Variants in FCHSD2 observed in about 807,000 individuals in gnomAD.
FCHSD2 encodes the protein F-BAR and double SH3 domains protein 2.
A neutral mutation model predicts 108.1 loss-of-function variants in FCHSD2; 38 were observed. That is an observed-to-expected ratio of 0.35 (90% CI 0.27 to 0.46). The LOEUF is 0.46. Ranked by LOEUF, FCHSD2 falls within the 20% of genes least tolerant of loss-of-function variation. The pLI is 1.00. For synonymous variants in FCHSD2, 279 were observed against 314.7 expected, an observed-to-expected ratio of 0.89 and a Z score of 1.20; for missense variants, 751 against 897.8, an observed-to-expected ratio of 0.84 and a Z score of 2.09.
At chr11:73,101,458 G>T (rs1387211420) in intron 2 of FCHSD2, among the ~76,000 whole-genome samples, 1 of 152,050 alleles carries the variant, frequency 6.6e-6, no homozygotes, top group East Asian at 1.9e-4. Context: ...TGCTGTTTTA[G>T]AGACAGGGTC....
chr11:72,850,056 A>AG (rs1861241296), intron 13 of FCHSD2, among the ~76,000 whole-genome samples, 167 bp from the exon 14 acceptor site: 1 of 107,624 alleles, frequency 9.3e-6, no homozygotes, highest in African/African-American at 3.5e-5. Flanking sequence ...GAAAGAATAG[A>AG]GTTTTTTTTT....
intron 8 of FCHSD2, among the ~76,000 whole-genome samples, chr11:72,933,037 C>A (rs1028990408): frequency 6.6e-4 from 101 of 152,124 alleles, no homozygotes; most frequent in African/African-American, 2.3e-3. Context: ...GTAGTGGCAT[C>A]CTTTTATGTG....
intron 8 of FCHSD2, among the ~76,000 whole-genome samples, chr11:72,935,208 G>A (rs978932347): frequency 6.6e-6 from 1 of 152,122 alleles, no homozygotes; most frequent in African/African-American, 2.4e-5. Flanking sequence ...CCTAGAACTT[G>A]TTTGAAGAAG....
chr11:72,879,000 C>G (rs1024807178), intron 12 of FCHSD2, among the ~76,000 whole-genome samples: 1 of 152,086 alleles, frequency 6.6e-6, no homozygotes, highest in African/African-American at 2.4e-5. Flanking sequence ...ATCCCAGCTA[C>G]TTGGGAAGCT....
intron 13 of FCHSD2, among the ~76,000 whole-genome samples, chr11:72,857,827 T>C (rs149626850): frequency 3.4e-4 from 51 of 152,150 alleles, no homozygotes; most frequent in African/African-American, 1.2e-3. Flanking sequence ...CTTGTACTCA[T>C]TAAAAACACC....
At chr11:72,841,129 C>T (rs967224100) in intron 18 of FCHSD2, among the ~76,000 whole-genome samples, 170 bp from the exon 19 acceptor site, 1 of 152,098 alleles carries the variant, frequency 6.6e-6, no homozygotes, top group Non-Finnish European at 1.5e-5. Context: ...GATCCCACCA[C>T]TGCACTCCAG....
Position 72,843,449 on chromosome 11 carries a change from C to G in FCHSD2, c.1527G>C (p.Lys509Asn), listed in dbSNP as rs1861028810. ...GGGCGATATGAGCAAAGGAATATAC[C>G]TTTACCCAGTCTTCCATATCTCCAT... Reference protein sequence around the residue: ...IEDGDMEDWVKARNKVGQVGY... With the variant: ...IEDGDMEDWVNARNKVGQVGY... Residue 509 changes from lysine (K) to asparagine (N), a missense_variant and splice_region_variant, in exon 15 of 20, where the codon AAG becomes AAC. Coordinates refer to ENST00000409418, the MANE Select transcript of FCHSD2 (RefSeq NM_014824.3). 1 of 1,611,772 alleles carries G rather than the reference C, an allele frequency of 6.2e-7. No homozygotes were observed. The highest frequency in any genetic ancestry group is 8.5e-7 in the Non-Finnish European group (1 of 1,177,998).
chr11:72,926,346 A>C (rs1856075492), intron 8 of FCHSD2, among the ~76,000 whole-genome samples: 1 of 152,098 alleles, frequency 6.6e-6, no homozygotes. Context: ...AGAGCAGAGG[A>C]TGGCCAGAGG....
At chr11:72,910,381 A>G (rs1033522085) in intron 9 of FCHSD2, among the ~76,000 whole-genome samples, 4 of 152,208 alleles carry the variant, frequency 2.6e-5, no homozygotes, top group African/African-American at 9.6e-5. Context: ...GTTTTGTCGA[A>G]AAGAAAAGGG....
intron 3 of FCHSD2, among the ~76,000 whole-genome samples, chr11:73,024,769 A>C (rs982376259): frequency 1.1e-4 from 17 of 152,206 alleles, no homozygotes; most frequent in Non-Finnish European, 2.1e-4. Flanking sequence ...TCCAGCATCT[A>C]TAAGGAAATT....
intron 3 of FCHSD2, among the ~76,000 whole-genome samples, chr11:73,047,626 A>T (rs1285005108): frequency 6.6e-6 from 1 of 152,200 alleles, no homozygotes; most frequent in African/African-American, 2.4e-5. Flanking sequence ...CTGTTCCATG[A>T]TTTCTAACGG....
chr11:73,085,287 T>C (rs779727676), intron 2 of FCHSD2, among the ~76,000 whole-genome samples: 16 of 152,252 alleles, frequency 1.1e-4, no homozygotes, highest in Non-Finnish European at 1.9e-4. Context: ...TGAGAGAGGA[T>C]TCTGGGAGAT....
intron 8 of FCHSD2, among the ~76,000 whole-genome samples, chr11:72,935,515 C>T (rs901077875): frequency 6.6e-6 from 1 of 152,152 alleles, no homozygotes; most frequent in Admixed American, 6.5e-5. Context: ...TCATGAAATT[C>T]TACAGTCTTT....
At chr11:73,073,762 G>A (rs1859485986) in intron 3 of FCHSD2, among the ~76,000 whole-genome samples, 1 of 152,088 alleles carries the variant, frequency 6.6e-6, no homozygotes, top group South Asian at 2.1e-4. Context: ...TGGCTTTGAA[G>A]AGAAAGAAGT....
chr11:73,073,650 T>C (rs1294325520), intron 3 of FCHSD2, among the ~76,000 whole-genome samples: 1 of 152,212 alleles, frequency 6.6e-6, no homozygotes, highest in Non-Finnish European at 1.5e-5. Context: ...AATCAATCCT[T>C]TGCACAGAGG....
rs1356672154 is a variant in FCHSD2 at position 72,844,341 on chromosome 11, G to T, written c.1444-809C>A. Among the ~76,000 whole-genome samples, 3 of 152,042 alleles carry T rather than the reference G, an allele frequency of 2.0e-5. No individual in the cohort carries two copies. The East Asian group carries it at 5.8e-4, about 29-fold the overall frequency. On this transcript the variant is annotated intron_variant, in intron 14 of 19. Transcript: ENST00000409418. ...TGATCTGGAATCACTGTAAAGCAGT[G>T]GCCAAAAGAAAAAAATTGTAGGAAA...
intron 3 of FCHSD2, among the ~76,000 whole-genome samples, chr11:73,029,137 A>C (rs1858299556): frequency 1.3e-5 from 2 of 152,216 alleles, no homozygotes; most frequent in South Asian, 4.1e-4. Flanking sequence ...ATGCCATTGA[A>C]AACCTTTTAA....
intron 3 of FCHSD2, among the ~76,000 whole-genome samples, chr11:73,028,391 T>C (rs925289070): frequency 9.9e-5 from 15 of 152,232 alleles, no homozygotes; most frequent in African/African-American, 2.9e-4. Context: ...ATGGGGCCTG[T>C]AGCCCCATTG....
chr11:72,953,712 A>C (rs565456986), intron 8 of FCHSD2, among the ~76,000 whole-genome samples: 1 of 152,296 alleles, frequency 6.6e-6, no homozygotes, highest in East Asian at 1.9e-4. Flanking sequence ...GAAAAGAAAT[A>C]GAGAATGAAG....
Sources: allele counts gnomAD v4.1 joint callset (sites outside exome capture counted in the v4.1 genomes callset), GRCh38; gene constraint gnomAD v4.1.1; transcripts MANE v1.5; gene names NCBI Gene and HGNC (gene_info 2026-07-23, HGNC 2026-07-21).